Variants in PDZD2 observed in about 807,000 individuals in gnomAD.
PDZD2 encodes the protein PDZ domain-containing protein 2.
A neutral mutation model predicts 220.7 loss-of-function variants in PDZD2; 90 were observed. The ratio of observed to expected loss-of-function variants is 0.41; its 90% confidence interval spans 0.34 to 0.49. The LOEUF (loss-of-function observed/expected upper bound fraction) is 0.49, where lower values mean the gene tolerates loss of function less well. Among genes scored for constraint, PDZD2 ranks in the 20% least tolerant of loss-of-function variants. PDZD2 has a pLI of 0.28. For missense variants in PDZD2, 3,174 were observed against 3,608.5 expected (o/e 0.88, Z 3.08); for synonymous variants, 1,375 against 1,450.5 (o/e 0.95, Z 1.18).
Position 32,083,165 on chromosome 5 carries a change from A to G in PDZD2, c.3683-3966A>G, listed in dbSNP as rs1394084585. Among the ~76,000 whole-genome samples, 1 of 150,908 alleles carries G rather than the reference A, an allele frequency of 6.6e-6. No individual in the cohort carries two copies. The highest frequency in any genetic ancestry group is 1.5e-5 in the Non-Finnish European group (1 of 67,938). On this transcript the variant is annotated intron_variant, in intron 19 of 24. Coordinates refer to ENST00000438447, the MANE Select transcript of PDZD2 (RefSeq NM_178140.4). This position sits in a 1 kb window ranked among gnomAD's most constrained non-coding sequence, Gnocchi z 4.1. ...TGTGCGTATATGGGTGTGAATAAAT[A>G]TATAGTCCTGTGCTTTTTTTGTCTT... is the stretch of plus-strand genomic sequence containing the variant.
At chr5:31,751,265 G>A (rs12516825) in intron 1 of PDZD2, among the ~76,000 whole-genome samples, 24,683 of 150,846 alleles carry the variant, frequency 0.16, 2,251 homozygotes, top group Non-Finnish European at 0.2. Context: ...AAAGAGAGTG[G>A]CATGATTAAA....
chr5:32,095,448 T>C (rs1410272544), intron 21 of PDZD2, among the ~76,000 whole-genome samples: 39 of 152,272 alleles, frequency 2.6e-4, no homozygotes, highest in Non-Finnish European at 1.2e-4. Context: ...CACAAAACTA[T>C]TTTCTGTGTC....
At chr5:31,896,283 G>T (rs1741544784) in intron 2 of PDZD2, among the ~76,000 whole-genome samples, 8 of 150,744 alleles carry the variant, frequency 5.3e-5, no homozygotes, top group Admixed American at 5.3e-4. Flanking sequence ...GCTCATCCTA[G>T]GTGACTTTAT....
rs192720936 is a variant in PDZD2, at chr5:31,712,817, C to G, written c.-361+73380C>G. 2.0e-5 allele frequency among the ~76,000 whole-genome samples: 3 copies of G among 152,168 alleles called. No individual in the cohort carries two copies. The East Asian group carries it at 5.8e-4, about 30-fold the overall frequency. Reference sequence around the variant, plus strand: ...GGTAAAGCTGGAAAAGGATTTGGAGCCTGGGGTCGCGTTAAGGGCAATGGA... The same window carrying G: ...GGTAAAGCTGGAAAAGGATTTGGAGGCTGGGGTCGCGTTAAGGGCAATGGA... On this transcript the variant is annotated intron_variant, in intron 1 of 24. Coordinates refer to ENST00000438447, the MANE Select transcript of PDZD2 (RefSeq NM_178140.4).
At chr5:31,807,809 C>A (rs1360778175) in intron 2 of PDZD2, among the ~76,000 whole-genome samples, 1 of 151,996 alleles carries the variant, frequency 6.6e-6, no homozygotes, top group African/African-American at 2.4e-5. Flanking sequence ...CAGGAGGGGG[C>A]TGGGGGGCTC....
intron 1 of PDZD2, among the ~76,000 whole-genome samples, chr5:31,762,824 A>T (rs1751736435): frequency 6.6e-6 from 1 of 152,172 alleles, no homozygotes; most frequent in East Asian, 1.9e-4. Flanking sequence ...GTTGGATTTG[A>T]GAGGTAATCC....
At position 32,003,242 on chromosome 5, in the gene PDZD2, ACACACAC is replaced by A. The variant is rs1752454557; in HGVS notation, c.1254+2979_1254+2985del. Among the ~76,000 whole-genome samples, 3 of 111,972 alleles carry A rather than the reference ACACACAC, an allele frequency of 2.7e-5. No homozygotes were observed. In the South Asian group the frequency reaches 9.0e-4, roughly 34 times the overall value. 73.5% of individuals were successfully genotyped at this position (111,972 alleles called of 152,430 possible). On this transcript the variant is annotated intron_variant, in intron 5 of 24. Coordinates refer to ENST00000438447, the MANE Select transcript of PDZD2 (RefSeq NM_178140.4). ...CCCACACACCAACATATACCTTCAC[ACACACAC>A]CACACACACACCACATGCCACACAC...
At chr5:31,858,300 TCTC>T (rs1325192645) in intron 2 of PDZD2, among the ~76,000 whole-genome samples, 50 of 152,236 alleles carry the variant, frequency 3.3e-4, no homozygotes, top group African/African-American at 1.1e-3. Flanking sequence ...ATTCCTTCCT[TCTC>T]CTCTGGGACA....
chr5:31,904,930 A>G (rs528052559), intron 2 of PDZD2, among the ~76,000 whole-genome samples: 18 of 151,826 alleles, frequency 1.2e-4, no homozygotes, highest in Admixed American at 7.2e-4. Context: ...AAGTGAGTCT[A>G]CTTTTACCAG....
At position 31,920,519 on chromosome 5, in the gene PDZD2, AAAAAAGT is replaced by A. The variant is rs754654755; in HGVS notation, c.477-62635_477-62629del. Among the ~76,000 whole-genome samples the A allele has an allele frequency of 1.4e-3, 58 of 41,126 alleles. 1 individual carries two copies. The highest frequency in any genetic ancestry group is 5.8e-3 in the East Asian group (1 of 172). The allele number at this position is 41,126 out of a possible 152,430, so 27.0% of individuals were successfully genotyped here. A position where few individuals can be genotyped will look rare whatever the true frequency, so the allele number is the denominator to read the frequency against. ...GTGTTATATATTTAAAAAAAAAAAA[AAAAAAGT>A]CCAGGCACTCTGGCTTACACCTGTA... On this transcript the variant is annotated intron_variant, in intron 2 of 24. Transcript: ENST00000438447.
At chr5:32,007,936 T>G (rs1468872760) in intron 5 of PDZD2, among the ~76,000 whole-genome samples, 1 of 142,706 alleles carries the variant, frequency 7.0e-6, no homozygotes, top group Admixed American at 7.3e-5. Flanking sequence ...TACTCTAGCC[T>G]TAACCTGTAC....
chr5:31,657,993 C>T (rs1473176784), intron 1 of PDZD2, among the ~76,000 whole-genome samples: 2 of 152,124 alleles, frequency 1.3e-5, no homozygotes, highest in African/African-American at 4.8e-5. Flanking sequence ...TTTAGTTGCC[C>T]CCACCCAACA....
At chr5:32,016,376 G>A (rs999322484) in intron 6 of PDZD2, among the ~76,000 whole-genome samples, 2 of 152,134 alleles carry the variant, frequency 1.3e-5, no homozygotes, top group South Asian at 2.1e-4. Flanking sequence ...CTCTTGTTTC[G>A]GGGTTGACCT....
At position 32,037,141 on chromosome 5, in the gene PDZD2, T is replaced by C. The variant is rs1444195012; in HGVS notation, c.1408-90T>C. On this transcript the variant is annotated intron_variant, in intron 6 of 24. Coordinates refer to ENST00000438447, the MANE Select transcript of PDZD2 (RefSeq NM_178140.4). ...CACATAACACCTGTATTGCTGCTCCTTGAGCCTTGAGATAACATTGTGGAG... is the reference window on the plus strand; with the variant it reads ...CACATAACACCTGTATTGCTGCTCCCTGAGCCTTGAGATAACATTGTGGAG... 3 of 787,008 alleles carry C rather than the reference T, an allele frequency of 3.8e-6. No homozygotes were observed. The Admixed American group carries it at 6.6e-5, about 17-fold the overall frequency. The allele number at this position is 787,008 out of a possible 1,614,324, so 48.8% of individuals were successfully genotyped here. A position where few individuals can be genotyped will look rare whatever the true frequency, so the allele number is the denominator to read the frequency against.
chr5:32,020,147 A>C (rs1754087320), intron 6 of PDZD2, among the ~76,000 whole-genome samples: 1 of 151,528 alleles, frequency 6.6e-6, no homozygotes, highest in Non-Finnish European at 1.5e-5. Context: ...AGCTCACTGC[A>C]ACCTCCACCT....
intron 3 of PDZD2, among the ~76,000 whole-genome samples, chr5:31,983,996 C>G (rs895615919): frequency 3.3e-5 from 5 of 152,200 alleles, no homozygotes; most frequent in African/African-American, 1.2e-4. Flanking sequence ...TAAAGTACTT[C>G]ACTGCATCGT....
At chr5:31,705,774 G>T (rs903057682) in intron 1 of PDZD2, among the ~76,000 whole-genome samples, 1 of 152,244 alleles carries the variant, frequency 6.6e-6, no homozygotes, top group Non-Finnish European at 1.5e-5. Context: ...GAGGGGCCGG[G>T]CATGGTGGCT....
intron 1 of PDZD2, among the ~76,000 whole-genome samples, chr5:31,671,042 C>A (rs1746195814): frequency 6.6e-6 from 1 of 151,966 alleles, no homozygotes; most frequent in Non-Finnish European, 1.5e-5. Context: ...CTGAGAGCAC[C>A]CCCAGGGAGA....
At chr5:32,004,732 G>A (rs1171014086) in intron 5 of PDZD2, among the ~76,000 whole-genome samples, 1 of 152,188 alleles carries the variant, frequency 6.6e-6, no homozygotes, top group Non-Finnish European at 1.5e-5. Context: ...CTGCCTTTAT[G>A]CAAATAAAAT....
Sources: allele counts gnomAD v4.1 joint callset (sites outside exome capture counted in the v4.1 genomes callset), GRCh38; gene constraint gnomAD v4.1.1; non-coding constraint Gnocchi (gnomAD v3.1); transcripts MANE v1.5; gene names NCBI Gene and HGNC (gene_info 2026-07-23, HGNC 2026-07-21).